Variants in NOPCHAP1 observed in about 807,000 individuals in gnomAD.
NOPCHAP1 encodes the protein DNA damage-sensitive RNA 1.
A neutral mutation model predicts 14.0 loss-of-function variants in NOPCHAP1; 13 were observed. That is an observed-to-expected ratio of 0.93 (90% CI 0.60 to 1.47). The LOEUF (loss-of-function observed/expected upper bound fraction) is 1.47, where lower values mean the gene tolerates loss of function less well. Among genes scored for constraint, NOPCHAP1 ranks in the 40% most tolerant of loss-of-function variants. The pLI is 0.00. For missense variants in NOPCHAP1, 230 were observed against 226.9 expected, an observed-to-expected ratio of 1.01 and a Z score of -0.09; for synonymous variants, 78 against 78.4, an observed-to-expected ratio of 1.00 and a Z score of 0.03.
rs1873488973 is a variant in NOPCHAP1, at chr12:104,995,809, T to A, written c.*1113T>A. ...CATTCTCCTGCCTCAGCCTCCTCAG[T>A]AGCTGGGAGTACAGGCGCCCACCAC... is the stretch of plus-strand genomic sequence containing the variant. On this transcript the variant is annotated 3_prime_UTR_variant, in exon 4 of 4. Coordinates refer to ENST00000552951, the MANE Select transcript of NOPCHAP1 (RefSeq NM_152318.3). The A allele has an allele frequency of 1.3e-5, 2 of 152,162 alleles. No homozygotes were observed. Among genetic ancestry groups the A allele is most frequent in the Non-Finnish European group, 2.9e-5 (2 of 68,196 alleles). The allele number at this position is 152,162 out of a possible 1,614,324, so 9.4% of individuals were successfully genotyped here.
rs556091529 is a variant in NOPCHAP1 at position 105,011,390 on chromosome 12, C to T, written c.*16694C>T. 83 of 152,210 alleles carry T rather than the reference C, an allele frequency of 5.5e-4. No individual in the cohort carries two copies. The highest frequency in any genetic ancestry group is 1.7e-3 in the African/African-American group (71 of 41,530). 9.4% of individuals were successfully genotyped at this position (152,210 alleles called of 1,614,324 possible). The stretch of plus-strand genomic sequence containing the variant: ...GTGTGTCTTTGCACATGAGATGGGT[C>T]TCCTGAATACAGCACACTGATGGGT... On this transcript the variant is annotated 3_prime_UTR_variant, in exon 4 of 4. Transcript: ENST00000552951.
chr12:105,002,956 A>G lies in NOPCHAP1; in HGVS notation c.*8260A>G, dbSNP rs774214841. ...CTCATTATCTTTAGAATGAAAGAGT[A>G]GTTGAGCAAAAAGGTTATTAGACTC... On this transcript the variant is annotated 3_prime_UTR_variant, in exon 4 of 4. Coordinates refer to ENST00000552951, the MANE Select transcript of NOPCHAP1 (RefSeq NM_152318.3). The G allele has an allele frequency of 6.6e-6, 1 of 152,242 alleles. No homozygotes were observed. Among genetic ancestry groups the G allele is most frequent in the East Asian group, 1.9e-4 (1 of 5,200 alleles). 9.4% of individuals were successfully genotyped at this position (152,242 alleles called of 1,614,324 possible).
At chr12:104,989,896 T>C (rs1327862842) in intron 2 of NOPCHAP1, among the ~76,000 whole-genome samples, 1 of 152,218 alleles carries the variant, frequency 6.6e-6, no homozygotes, top group East Asian at 1.9e-4. Flanking sequence ...TTCTATCAAA[T>C]GTATTTTTTC....
At chr12:104,993,698 TC>T (rs1873431836) in intron 3 of NOPCHAP1, among the ~76,000 whole-genome samples, 2 of 152,162 alleles carry the variant, frequency 1.3e-5, no homozygotes, top group African/African-American at 4.8e-5. Flanking sequence ...TTAATTTTTT[TC>T]CCCCAACCAC....
At chr12:104,988,279 C>T (rs375483566) in intron 2 of NOPCHAP1, 26 bp downstream of exon 2, 1 of 1,544,288 alleles carries the variant, frequency 6.5e-7, no homozygotes, top group South Asian at 1.1e-5. Flanking sequence ...CCTCTCTCAC[C>T]CTCTCTAATG....
rs1873589941 is a variant in NOPCHAP1 at position 105,000,616 on chromosome 12, CA to C, written c.*5924del. 6.6e-6 allele frequency: 1 copy of C among 152,114 alleles called. No homozygotes were observed. Among genetic ancestry groups the C allele is most frequent in the Non-Finnish European group, 1.5e-5 (1 of 68,020 alleles). The allele number at this position is 152,114 out of a possible 1,614,324, so 9.4% of individuals were successfully genotyped here. ...CAAATTCTTACCACCCATACTGCAG[CA>C]AAAGTCTTGAGGGTCTGAACTTTTG... On this transcript the variant is annotated 3_prime_UTR_variant, in exon 4 of 4. Transcript: ENST00000552951.
At chr12:104,988,067 C>A in intron 1 of NOPCHAP1, 100 bp from the exon 2 acceptor site, 1 of 845,350 alleles carries the variant, frequency 1.2e-6, no homozygotes, top group South Asian at 1.9e-5. Flanking sequence ...GGAGTGTGGA[C>A]AGTCAAGTCT....
At position 104,997,365 on chromosome 12, in the gene NOPCHAP1, T is replaced by C. The variant is rs778092209; in HGVS notation, c.*2669T>C. 1 of 152,260 alleles carries C rather than the reference T, an allele frequency of 6.6e-6. No individual in the cohort carries two copies. Among genetic ancestry groups the C allele is most frequent in the African/African-American group, 2.4e-5 (1 of 41,472 alleles). 9.4% of individuals were successfully genotyped at this position (152,260 alleles called of 1,614,324 possible). Reference sequence around the variant, plus strand: ...TTATGAAGCTTAGTTTAGTCAGATATGAATTCTTGGTTGAAAATTATTTTC... The same window carrying C: ...TTATGAAGCTTAGTTTAGTCAGATACGAATTCTTGGTTGAAAATTATTTTC... On this transcript the variant is annotated 3_prime_UTR_variant, in exon 4 of 4. Coordinates refer to ENST00000552951, the MANE Select transcript of NOPCHAP1 (RefSeq NM_152318.3).
In NOPCHAP1 at chr12:105,012,106, C is replaced by T. The variant is rs1344593380; in HGVS notation, c.*17410C>T. The T allele has an allele frequency of 6.6e-6, 1 of 152,194 alleles. No homozygotes were observed. Among genetic ancestry groups the T allele is most frequent in the Non-Finnish European group, 1.5e-5 (1 of 68,044 alleles). The allele number at this position is 152,194 out of a possible 1,614,324, so 9.4% of individuals were successfully genotyped here. ...GTGTTTTCCAACTTGGTTCCATTCT[C>T]CCTGTCACTTTCAGGTACACCAATC... On this transcript the variant is annotated 3_prime_UTR_variant, in exon 4 of 4. Coordinates refer to ENST00000552951, the MANE Select transcript of NOPCHAP1 (RefSeq NM_152318.3).
At chr12:104,992,541 C>T (rs1313885601) in intron 3 of NOPCHAP1, among the ~76,000 whole-genome samples, 4 of 152,168 alleles carry the variant, frequency 2.6e-5, no homozygotes, top group Non-Finnish European at 5.9e-5. Context: ...TTCAAATAAA[C>T]TAAGTCCTTC....
Position 104,994,778 on chromosome 12 carries a change from C to A in NOPCHAP1, c.*82C>A. On this transcript the variant is annotated 3_prime_UTR_variant, in exon 4 of 4. Coordinates refer to ENST00000552951, the MANE Select transcript of NOPCHAP1 (RefSeq NM_152318.3). ...AGAATGTGATTCACGGGTTCTTTTGCTTTTCAGGCACCTATGGTGCTTTTA... is the reference window on the plus strand; with the variant it reads ...AGAATGTGATTCACGGGTTCTTTTGATTTTCAGGCACCTATGGTGCTTTTA... The A allele has an allele frequency of 1.6e-6, 2 of 1,251,254 alleles. No individual in the cohort carries two copies. The highest frequency in any genetic ancestry group is 2.3e-6 in the Non-Finnish European group (2 of 878,838). The allele number at this position is 1,251,254 out of a possible 1,614,324, so 77.5% of individuals were successfully genotyped here.
Position 104,986,383 on chromosome 12 carries a change from C to G in NOPCHAP1, c.31C>G (p.Pro11Ala), listed in dbSNP as rs777900503. ...GGTCCATGGCAAGCCCAAGGCTAGCCCGAGTTGTTCGTCGCCCACCCGGGA... is the reference window on the plus strand; with the variant it reads ...GGTCCATGGCAAGCCCAAGGCTAGCGCGAGTTGTTCGTCGCCCACCCGGGA... Reference protein sequence around the residue: MEVHGKPKASPSCSSPTRDSS... With the variant: MEVHGKPKASASCSSPTRDSS... The change falls in exon 1 of 4, where the codon CCG becomes GCG. Residue 11 changes from proline (P) to alanine (A), a missense_variant. Coordinates refer to ENST00000552951, the MANE Select transcript of NOPCHAP1 (RefSeq NM_152318.3). The G allele has an allele frequency of 2.5e-6, 4 of 1,611,460 alleles. No homozygotes were observed. The highest frequency in any genetic ancestry group is 3.4e-6 in the Non-Finnish European group (4 of 1,179,002).
At chr12:104,990,215 C>G (rs573611568) in intron 2 of NOPCHAP1, among the ~76,000 whole-genome samples, 1 of 152,154 alleles carries the variant, frequency 6.6e-6, no homozygotes, top group South Asian at 2.1e-4. Context: ...GGACTAGCCT[C>G]AGGGTTCAGC....
chr12:104,994,354 A>G, intron 3 of NOPCHAP1, 124 bp from the exon 4 acceptor site: 2 of 981,596 alleles, frequency 2.0e-6, no homozygotes, highest in Non-Finnish European at 3.2e-6. Flanking sequence ...CTCCAAAAAA[A>G]ACCAAATTCT....
Position 105,008,265 on chromosome 12 carries a change from G to A in NOPCHAP1, c.*13569G>A, listed in dbSNP as rs559948891. The A allele has an allele frequency of 6.6e-6, 1 of 152,132 alleles. No individual in the cohort carries two copies. The highest frequency in any genetic ancestry group is 1.5e-5 in the Non-Finnish European group (1 of 68,018). The allele number at this position is 152,132 out of a possible 1,614,324, so 9.4% of individuals were successfully genotyped here. A position where few individuals can be genotyped will look rare whatever the true frequency, so the allele number is the denominator to read the frequency against. On this transcript the variant is annotated 3_prime_UTR_variant, in exon 4 of 4. Coordinates refer to ENST00000552951, the MANE Select transcript of NOPCHAP1 (RefSeq NM_152318.3). Reference sequence around the variant, plus strand: ...GTGATGATGAGCTTTTTTCATGTTTGTTGGCCGCATAAATGTCTTCTTTTG... The same window carrying A: ...GTGATGATGAGCTTTTTTCATGTTTATTGGCCGCATAAATGTCTTCTTTTG...
rs763003278 is a variant in NOPCHAP1, at chr12:104,986,432, A to G, written c.80A>G (p.Lys27Arg). 1.2e-5 allele frequency: 19 copies of G among 1,609,674 alleles called. No individual in the cohort carries two copies. Among genetic ancestry groups the G allele is most frequent in the South Asian group, 5.5e-5 (5 of 90,478 alleles). ...GATTCCTCAGGAGTCCCAGTGTCCAAGGAGCTGCTGACGGCGGGAAGCGAC... is the reference window on the plus strand; with the variant it reads ...GATTCCTCAGGAGTCCCAGTGTCCAGGGAGCTGCTGACGGCGGGAAGCGAC... ...TRDSSGVPVS[K>R]ELLTAGSDGR... The change falls in exon 1 of 4, where the codon AAG becomes AGG. Residue 27 changes from lysine to arginine, a missense_variant. Transcript: ENST00000552951.
Position 105,012,447 on chromosome 12 carries a change from G to A in NOPCHAP1, c.*17751G>A, listed in dbSNP as rs940880696. On this transcript the variant is annotated 3_prime_UTR_variant, in exon 4 of 4. Transcript: ENST00000552951. ...GGGTTAGAACATGCTCCTTTAGCTC[G>A]GAGGAATTTGTTATTATCTGCCTTC... The A allele has an allele frequency of 2.6e-5, 4 of 152,196 alleles. No homozygotes were observed. The East Asian group carries it at 7.7e-4, about 29-fold the overall frequency. 9.4% of individuals were successfully genotyped at this position (152,196 alleles called of 1,614,324 possible). A position where few individuals can be genotyped will look rare whatever the true frequency, so the allele number is the denominator to read the frequency against.
chr12:104,992,346 T>C (rs946402158), intron 3 of NOPCHAP1, among the ~76,000 whole-genome samples: 1 of 152,258 alleles, frequency 6.6e-6, no homozygotes, highest in Non-Finnish European at 1.5e-5. Context: ...CCCTCCAGAA[T>C]AGATCCCAAA....
In NOPCHAP1 at chr12:105,004,503, T is replaced by C. The variant is rs1873669238; in HGVS notation, c.*9807T>C. ...GTCACTTGAACCCAGGAGGTGGAGGTTGCAGTGAGCTGAGCTCACTGGAGG... is the reference window on the plus strand; with the variant it reads ...GTCACTTGAACCCAGGAGGTGGAGGCTGCAGTGAGCTGAGCTCACTGGAGG... On this transcript the variant is annotated 3_prime_UTR_variant, in exon 4 of 4. Coordinates refer to ENST00000552951, the MANE Select transcript of NOPCHAP1 (RefSeq NM_152318.3). 1 of 152,086 alleles carries C rather than the reference T, an allele frequency of 6.6e-6. No individual in the cohort carries two copies. Among genetic ancestry groups the C allele is most frequent in the Admixed American group, 6.5e-5 (1 of 15,278 alleles). 9.4% of individuals were successfully genotyped at this position (152,086 alleles called of 1,614,324 possible).
Sources: gnomAD v4.1 joint callset for allele counts (sites outside exome capture counted in the v4.1 genomes callset) on GRCh38, gnomAD v4.1.1 for gene constraint, MANE v1.5 for transcripts, NCBI Gene and HGNC (gene_info 2026-07-23, HGNC 2026-07-21) for gene names.